Variants in TMEM163 observed in about 807,000 individuals in gnomAD.
TMEM163 encodes transmembrane protein 163.
Under a neutral mutation model 29.3 loss-of-function variants are expected in TMEM163, and 17 were observed. The observed-to-expected ratio is 0.58, with a 90% CI of 0.40 to 0.87. The LOEUF (loss-of-function observed/expected upper bound fraction) is 0.87. TMEM163 is among the 40% of genes least tolerant of loss of function. TMEM163 has a pLI of 0.00. For missense variants in TMEM163, 303 were observed against 381.5 expected, an observed-to-expected ratio of 0.79 and a Z score of 1.71; for synonymous variants, 157 against 160.6, an observed-to-expected ratio of 0.98 and a Z score of 0.17.
At position 134,587,659 on chromosome 2, in the gene TMEM163, A is replaced by G. The variant is rs557371754; in HGVS notation, c.323-35568T>C. ...TAAAACTAAGACTCTAAGACTCTCA[A>G]TAAGAAAGCAGTTCCTTAACCAAAG... On this transcript the variant is annotated intron_variant, in intron 2 of 7. Coordinates refer to ENST00000281924, the MANE Select transcript of TMEM163 (RefSeq NM_030923.5). Among the ~76,000 whole-genome samples the G allele has an allele frequency of 1.4e-4, 21 of 152,350 alleles. No homozygotes were observed. The South Asian group carries it at 4.1e-3, about 30-fold the overall frequency.
At chr2:134,593,915 T>C (rs1330606652) in intron 2 of TMEM163, among the ~76,000 whole-genome samples, 1 of 151,914 alleles carries the variant, frequency 6.6e-6, no homozygotes, top group Non-Finnish European at 1.5e-5. Flanking sequence ...CATCTAGCCT[T>C]CCTGGAGCAT....
intron 2 of TMEM163, among the ~76,000 whole-genome samples, chr2:134,655,610 G>T (rs1683583694): frequency 7.1e-6 from 1 of 141,498 alleles, no homozygotes; most frequent in African/African-American, 2.9e-5. Flanking sequence ...TTCCTTTGGA[G>T]GAGGAGAGGC....
chr2:134,650,423 T>C (rs764654293), intron 2 of TMEM163, among the ~76,000 whole-genome samples: 1 of 151,988 alleles, frequency 6.6e-6, no homozygotes, highest in African/African-American at 2.4e-5. Context: ...TATTTTTAAA[T>C]AAACATTTGT....
intron 2 of TMEM163, among the ~76,000 whole-genome samples, chr2:134,643,492 G>A (rs1683264868): frequency 6.6e-6 from 1 of 151,858 alleles, no homozygotes; most frequent in South Asian, 2.1e-4. Context: ...TTTATGAGGT[G>A]AACATTATCC....
intron 4 of TMEM163, among the ~76,000 whole-genome samples, chr2:134,526,383 C>A (rs1214425222): frequency 6.6e-6 from 1 of 152,116 alleles, no homozygotes; most frequent in Non-Finnish European, 1.5e-5. Flanking sequence ...CCCACAGAAG[C>A]CCCACCAAAA....
chr2:134,551,682 C>T (rs1680928747), intron 3 of TMEM163, among the ~76,000 whole-genome samples: 1 of 152,162 alleles, frequency 6.6e-6, no homozygotes, highest in South Asian at 2.1e-4. Flanking sequence ...CATCCTAGCG[C>T]AAGTAGCCCC....
intron 2 of TMEM163, among the ~76,000 whole-genome samples, chr2:134,712,847 G>T (rs576228752): frequency 2.0e-5 from 3 of 152,182 alleles, no homozygotes; most frequent in African/African-American, 7.2e-5. Flanking sequence ...TCTTGCATTA[G>T]GCTGAAAATA....
chr2:134,659,786 A>C (rs993404423), intron 2 of TMEM163, among the ~76,000 whole-genome samples: 1 of 152,124 alleles, frequency 6.6e-6, no homozygotes, highest in Non-Finnish European at 1.5e-5. Flanking sequence ...TCTACGAAAA[A>C]TTTAAAAATC....
intron 2 of TMEM163, among the ~76,000 whole-genome samples, chr2:134,684,845 C>T (rs10928509): frequency 0.044 from 6,615 of 151,512 alleles, 213 homozygotes; most frequent in Admixed American, 0.085. Context: ...ATTGCTTGAA[C>T]CCGGGAGGCG....
chr2:134,552,261 T>C (rs1040729344), intron 2 of TMEM163, among the ~76,000 whole-genome samples, 170 bp from the exon 3 acceptor site: 7 of 152,312 alleles, frequency 4.6e-5, no homozygotes, highest in African/African-American at 1.7e-4. Flanking sequence ...AAGAGTGAAC[T>C]GAAAAGATTC....
At chr2:134,609,191 A>G (rs1223769131) in intron 2 of TMEM163, among the ~76,000 whole-genome samples, 7 of 8,888 alleles carry the variant, frequency 7.9e-4, no homozygotes, top group Non-Finnish European at 1.3e-3. Context: ...TGAAAAGGAC[A>G]GACCCCGAGA....
At chr2:134,633,999 ATATATATATATATATATATAT>A (rs1558971842) in intron 2 of TMEM163, among the ~76,000 whole-genome samples, 388 of 26,564 alleles carry the variant, frequency 0.015, 15 homozygotes, top group African/African-American at 0.062. Context: ...ATATATATAT[ATATATATATATATATATATAT>A]AATAGGACTG....
chr2:134,521,431 G>T (rs1183237244), intron 4 of TMEM163, among the ~76,000 whole-genome samples: 1 of 152,126 alleles, frequency 6.6e-6, no homozygotes, highest in Non-Finnish European at 1.5e-5. Flanking sequence ...TTTGGGCAAG[G>T]GTGCTACTGG....
chr2:134,550,795 CG>C, intron 3 of TMEM163, 134 bp from the exon 4 acceptor site: 1 of 816,856 alleles, frequency 1.2e-6, no homozygotes, highest in South Asian at 1.6e-5. Flanking sequence ...CCCATCATTA[CG>C]ACGCAGCCAC....
Position 134,569,404 on chromosome 2 carries a change from C to A in TMEM163, c.323-17313G>T, listed in dbSNP as rs1464587669. On this transcript the variant is annotated intron_variant, in intron 2 of 7. Transcript: ENST00000281924. ...CACATCATTTCAATCAGAACGACTT[C>A]TTTATCATTTCCATTAGGAGCGAGA... Among the ~76,000 whole-genome samples, 6 of 152,156 alleles carry A rather than the reference C, an allele frequency of 3.9e-5. No individual in the cohort carries two copies. In the East Asian group the frequency reaches 9.6e-4, roughly 24 times the overall value.
chr2:134,469,032 G>C (rs1409130422), intron 5 of TMEM163: 2 of 152,126 alleles, frequency 1.3e-5, no homozygotes, highest in Non-Finnish European at 1.5e-5. Flanking sequence ...ACACACAAAC[G>C]TCCTCCACCT....
intron 2 of TMEM163, among the ~76,000 whole-genome samples, chr2:134,656,919 C>T (rs1294167230): frequency 6.6e-6 from 1 of 152,058 alleles, no homozygotes; most frequent in Non-Finnish European, 1.5e-5. Flanking sequence ...TGTTTTGAAC[C>T]AGCCCTGTAT....
chr2:134,670,671 G>C (rs924123953), intron 2 of TMEM163, among the ~76,000 whole-genome samples: 1 of 152,198 alleles, frequency 6.6e-6, no homozygotes, highest in Non-Finnish European at 1.5e-5. Flanking sequence ...GCATTAATGA[G>C]CTCAGGCAAG....
chr2:134,592,178 T>C (rs1558956683), intron 2 of TMEM163, among the ~76,000 whole-genome samples: 1 of 152,130 alleles, frequency 6.6e-6, no homozygotes, highest in East Asian at 1.9e-4. Flanking sequence ...TTAAGATAAG[T>C]GGGGATGTTG....
Sources: allele counts gnomAD v4.1 joint callset (sites outside exome capture counted in the v4.1 genomes callset), GRCh38; gene constraint gnomAD v4.1.1; transcripts MANE v1.5; gene names NCBI Gene and HGNC (gene_info 2026-07-23, HGNC 2026-07-21).